The following ACAD11 variants were observed in gnomAD, a reference collection of about 807,000 sequenced individuals.
The protein encoded by ACAD11 is acyl-CoA dehydrogenase family member 11, also known as acyl-Coenzyme A dehydrogenase family, member 11.
ACAD11 carries 83 observed loss-of-function variants against 102.2 expected under a neutral mutation model. The observed-to-expected ratio is 0.81, with a 90% CI of 0.68 to 0.97. ACAD11 has a LOEUF of 0.97. Ranked by LOEUF, ACAD11 falls within the 50% of genes least tolerant of loss-of-function variation. The pLI is 0.00. For synonymous variants in ACAD11, 324 were observed against 319.8 expected (o/e 1.01, Z -0.14); for missense variants, 901 against 951.7 (o/e 0.95, Z 0.70).
At position 132,644,452 on chromosome 3, in the gene ACAD11, T is replaced by C. The variant is rs554919092; in HGVS notation, c.249+345A>G. 1.1e-4 allele frequency among the ~76,000 whole-genome samples: 16 copies of C among 152,234 alleles called. No individual in the cohort carries two copies. The East Asian group carries it at 3.1e-3, about 29-fold the overall frequency. On this transcript the variant is annotated intron_variant, in intron 2 of 19. Coordinates refer to ENST00000264990, the MANE Select transcript of ACAD11 (RefSeq NM_032169.5). ...AATTCTGAGTAGATACTATTACATA[T>C]AATAATTTAAATATATAACAAAACA...
At chr3:132,620,927 ATAGAT>A (rs984468790) in intron 9 of ACAD11, among the ~76,000 whole-genome samples, 2 of 152,246 alleles carry the variant, frequency 1.3e-5, no homozygotes. Context: ...ATGTTGAAAA[ATAGAT>A]TAGATAACAG....
chr3:132,644,149 C>T (rs73002026), intron 2 of ACAD11, among the ~76,000 whole-genome samples: 9,875 of 152,152 alleles, frequency 0.065, 1,080 homozygotes, highest in African/African-American at 0.22. Flanking sequence ...TCCCCAGTGA[C>T]CTGGGCCTGG....
At chr3:132,656,848 T>C (rs2107912129) in intron 1 of ACAD11, among the ~76,000 whole-genome samples, 1 of 143,418 alleles carries the variant, frequency 7.0e-6, no homozygotes. Flanking sequence ...CTCATTGTGT[T>C]GTTTTTTTTT....
chr3:132,603,405 A>C (rs1938699949), intron 12 of ACAD11, 78 bp from the exon 13 acceptor site: 1 of 1,264,942 alleles, frequency 7.9e-7, no homozygotes, highest in Non-Finnish European at 1.1e-6. Flanking sequence ...AAAACTTTAA[A>C]AACAAAGACA....
At chr3:132,571,706 T>C (rs1937387679) in intron 17 of ACAD11, among the ~76,000 whole-genome samples, 1 of 152,116 alleles carries the variant, frequency 6.6e-6, no homozygotes, top group Non-Finnish European at 1.5e-5. Flanking sequence ...AAAAGGCTTA[T>C]CCACCATGAT....
chr3:132,562,392 C>T (rs542199016), intron 17 of ACAD11, among the ~76,000 whole-genome samples: 9 of 152,286 alleles, frequency 5.9e-5, no homozygotes, highest in African/African-American at 1.9e-4. Flanking sequence ...CGTGAGCCAT[C>T]GCGAGATTAT....
intron 13 of ACAD11, among the ~76,000 whole-genome samples, chr3:132,580,697 T>C (rs1937585185): frequency 6.6e-6 from 1 of 152,070 alleles, no homozygotes; most frequent in South Asian, 2.1e-4. Context: ...AGACACATAC[T>C]AAAATATTTG....
intron 1 of ACAD11, among the ~76,000 whole-genome samples, chr3:132,656,375 G>A (rs1937801653): frequency 1.3e-5 from 2 of 152,028 alleles, no homozygotes; most frequent in African/African-American, 4.8e-5. Flanking sequence ...TAGGTCATGT[G>A]TATCTTCCCA....
At chr3:132,625,434 C>T (rs1014650576) in intron 9 of ACAD11, among the ~76,000 whole-genome samples, 2 of 152,080 alleles carry the variant, frequency 1.3e-5, no homozygotes, top group Middle Eastern at 3.2e-3. Flanking sequence ...ATTCACACTG[C>T]TATCTTAACC....
intron 15 of ACAD11, among the ~76,000 whole-genome samples, chr3:132,578,055 C>A (rs1241249858): frequency 1.3e-5 from 2 of 152,012 alleles, no homozygotes; most frequent in Non-Finnish European, 2.9e-5. Flanking sequence ...TAGTCATATT[C>A]AATGATAAAA....
At chr3:132,583,224 C>T (rs1263321965) in intron 13 of ACAD11, among the ~76,000 whole-genome samples, 1 of 152,192 alleles carries the variant, frequency 6.6e-6, no homozygotes, top group African/African-American at 2.4e-5. Context: ...GCCTCAATTT[C>T]AGACCCTGTT....
chr3:132,610,836 T>C (rs1234890824), intron 11 of ACAD11, among the ~76,000 whole-genome samples: 1 of 151,914 alleles, frequency 6.6e-6, no homozygotes, highest in East Asian at 1.9e-4. Context: ...CTATTCCTAT[T>C]CATGGAAAAA....
intron 13 of ACAD11, among the ~76,000 whole-genome samples, chr3:132,593,269 G>C (rs72998159): frequency 0.05 from 7,634 of 152,058 alleles, 651 homozygotes; most frequent in African/African-American, 0.17. Flanking sequence ...GCAATACTTA[G>C]CTCCCTAAAT....
At chr3:132,611,448 A>C (rs141727949) in intron 11 of ACAD11, among the ~76,000 whole-genome samples, 9,279 of 152,254 alleles carry the variant, frequency 0.061, 372 homozygotes, top group Middle Eastern at 0.092. Flanking sequence ...CTGTTTGCAG[A>C]TGACATGAGT....
intron 1 of ACAD11, chr3:132,648,843 G>C (rs1339456983): frequency 1.3e-5 from 2 of 152,130 alleles, no homozygotes; most frequent in Non-Finnish European, 2.9e-5. Context: ...ATGTAGAAAG[G>C]GAAGACAAAA....
chr3:132,612,067 G>T (rs1939177768), intron 11 of ACAD11, among the ~76,000 whole-genome samples: 1 of 151,912 alleles, frequency 6.6e-6, no homozygotes. Context: ...CAGAAATAAT[G>T]CCGCATATCT....
chr3:132,564,593 G>T (rs1937157870), intron 17 of ACAD11, among the ~76,000 whole-genome samples: 1 of 152,102 alleles, frequency 6.6e-6, no homozygotes, highest in Non-Finnish European at 1.5e-5. Flanking sequence ...TCCTAGATCT[G>T]GAATGGAGGA....
chr3:132,629,146 A>G (rs1432692766), intron 7 of ACAD11, among the ~76,000 whole-genome samples: 1 of 152,154 alleles, frequency 6.6e-6, no homozygotes, highest in African/African-American at 2.4e-5. Flanking sequence ...CATGTACAGT[A>G]TATATAGTTT....
intron 1 of ACAD11, among the ~76,000 whole-genome samples, chr3:132,649,153 T>C (rs903180228): frequency 1.3e-5 from 2 of 152,224 alleles, no homozygotes; most frequent in Non-Finnish European, 2.9e-5. Context: ...CCCCATGTGA[T>C]AGTCTGAAAT....
Sources: gnomAD v4.1 joint callset for allele counts (sites outside exome capture counted in the v4.1 genomes callset) on GRCh38, gnomAD v4.1.1 for gene constraint, MANE v1.5 for transcripts, NCBI Gene and HGNC (gene_info 2026-07-23, HGNC 2026-07-21) for gene names.